The following ARHGEF10L variants were observed in gnomAD, a reference collection of about 807,000 sequenced individuals.
ARHGEF10L encodes Rho guanine nucleotide exchange factor 10 like.
ARHGEF10L carries 69 observed loss-of-function variants against 141.2 expected under a neutral mutation model. That is an observed-to-expected ratio of 0.49 (90% CI 0.40 to 0.60). ARHGEF10L has a LOEUF of 0.60. ARHGEF10L is among the 20% of genes least tolerant of loss of function. The pLI, the probability that ARHGEF10L is intolerant of heterozygous loss-of-function variation, is 0.00. For synonymous variants in ARHGEF10L, 711 were observed against 718.5 expected, an observed-to-expected ratio of 0.99 and a Z score of 0.17; for missense variants, 1,482 against 1,734.3, an observed-to-expected ratio of 0.85 and a Z score of 2.58.
chr1:17,542,635 A>G (rs1286795609), intron 1 of ARHGEF10L, among the ~76,000 whole-genome samples: 1 of 152,218 alleles, frequency 6.6e-6, no homozygotes, highest in Non-Finnish European at 1.5e-5. Flanking sequence ...GAAAAGATAA[A>G]GTAAATGATA....
In ARHGEF10L at chr1:17,621,843, C is replaced by T. The variant is rs772961177; in HGVS notation, c.943-21C>T. On this transcript the variant is annotated intron_variant, in intron 10 of 28. Coordinates refer to ENST00000361221, the MANE Select transcript of ARHGEF10L (RefSeq NM_018125.4). This position sits in a 1 kb window ranked among gnomAD's most constrained non-coding sequence, Gnocchi z 4.1. Reference sequence around the variant, plus strand: ...TGCAGCAGGTGTCATGTGCGCTGACCGTGCTTTTTGGCCCGAGCAGGTGGT... The same window carrying T: ...TGCAGCAGGTGTCATGTGCGCTGACTGTGCTTTTTGGCCCGAGCAGGTGGT... The T allele has an allele frequency of 7.5e-6, 12 of 1,602,902 alleles. No homozygotes were observed. The highest frequency in any genetic ancestry group is 2.7e-5 in the African/African-American group (2 of 72,928).
the ARHGEF10L span, among the ~76,000 whole-genome samples, chr1:17,513,813 T>C: frequency 6.6e-6 from 1 of 152,166 alleles, no homozygotes; most frequent in African/African-American, 2.4e-5. Flanking sequence ...CTCTTTCTTT[T>C]TTCTTTTTTT....
intron 25 of ARHGEF10L, among the ~76,000 whole-genome samples, chr1:17,657,561 G>A (rs981943407): frequency 2.0e-5 from 3 of 152,182 alleles, no homozygotes; most frequent in South Asian, 4.1e-4. Flanking sequence ...TGTGATTGCC[G>A]CGTCATCACA....
intron 4 of ARHGEF10L, among the ~76,000 whole-genome samples, chr1:17,600,573 G>A (rs2080551968): frequency 6.6e-6 from 1 of 152,150 alleles, no homozygotes; most frequent in Non-Finnish European, 1.5e-5. Flanking sequence ...GACCTACGTT[G>A]GCACATTACC....
intron 25 of ARHGEF10L, among the ~76,000 whole-genome samples, chr1:17,660,880 C>T (rs559680696): frequency 8.5e-5 from 13 of 152,148 alleles, no homozygotes; most frequent in South Asian, 2.1e-4. Context: ...GGGCGGGGCT[C>T]CCATCAGGCA....
chr1:17,606,227 C>G (rs1400117165), intron 6 of ARHGEF10L, among the ~76,000 whole-genome samples: 1 of 152,170 alleles, frequency 6.6e-6, no homozygotes, highest in African/African-American at 2.4e-5. Flanking sequence ...GCAGAGAGGT[C>G]TCTGATGACC....
At chr1:17,531,101 C>G in the ARHGEF10L span, among the ~76,000 whole-genome samples, 1 of 152,188 alleles carries the variant, frequency 6.6e-6, no homozygotes, top group Non-Finnish European at 1.5e-5. Flanking sequence ...ATGAAGACTG[C>G]AGAGCCTGGC....
chr1:17,640,277 G>T lies in ARHGEF10L; in HGVS notation c.2247G>T (p.Arg749Ser). Residue 749 changes from arginine (R) to serine (S), a missense_variant, in exon 21 of 29, where the codon AGG (arginine) becomes AGT (serine). Arg to Ser is a moderately radical substitution (Grantham distance 110, BLOSUM62 -1). Transcript: ENST00000361221. ...NPLSKISWVN[R>S]LHLAKIGLRE... is the part of the protein sequence containing the mutation. ...TGAGCAAGATTTCCTGGGTCAACAG[G>T]TTACATTTGGCCAAAATCGGACTCC... The T allele has an allele frequency of 1.2e-6, 2 of 1,613,072 alleles. No homozygotes were observed. Among genetic ancestry groups the T allele is most frequent in the Non-Finnish European group, 8.5e-7 (1 of 1,179,638 alleles).
At chr1:17,694,319 G>A (rs1219553439) in intron 27 of ARHGEF10L, 1 of 156,120 alleles carries the variant, frequency 6.4e-6, no homozygotes, top group Non-Finnish European at 1.4e-5. Context: ...GCCCAGAGGA[G>A]TTTAGGATGG....
chr1:17,552,571 G>GTTTTTTTTTTTT lies in ARHGEF10L; in HGVS notation c.-44+12642_-44+12653dup, dbSNP rs34766409. Among the ~76,000 whole-genome samples the GTTTTTTTTTTTT allele has an allele frequency of 8.9e-5, 4 of 44,932 alleles. 1 individual carries two copies. The highest frequency in any genetic ancestry group is 2.7e-3 in the East Asian group (2 of 740). 29.5% of individuals were successfully genotyped at this position (44,932 alleles called of 152,430 possible). ...ATGCTACCACAGCTGGCTAATTTTC[G>GTTTTTTTTTTTT]TTTTTTTTTTTTTTTTTTTTTTTTT... On this transcript the variant is annotated intron_variant, in intron 1 of 28. Coordinates refer to ENST00000361221, the MANE Select transcript of ARHGEF10L (RefSeq NM_018125.4).
At chr1:17,684,505 C>T (rs945884467) in intron 26 of ARHGEF10L, among the ~76,000 whole-genome samples, 2 of 152,136 alleles carry the variant, frequency 1.3e-5, no homozygotes, top group Non-Finnish European at 2.9e-5. Context: ...CCTGGGCCTT[C>T]TCTGAGGGCC....
In ARHGEF10L at chr1:17,676,459, G is replaced by A. The variant is rs143267224; in HGVS notation, c.3010-11114G>A. ...GCAGGTGTGGGTGCAGGTGTGGGGT[G>A]GTGGAGGGCCAGGTGAGTTGTCTGG... On this transcript the variant is annotated intron_variant, in intron 26 of 28. Transcript: ENST00000361221. Among the ~76,000 whole-genome samples the A allele has an allele frequency of 3.7e-4, 56 of 152,040 alleles. 1 individual carries two copies. In the East Asian group the frequency reaches 7.6e-3, roughly 21 times the overall value.
intron 25 of ARHGEF10L, among the ~76,000 whole-genome samples, chr1:17,657,973 A>C (rs35871295): frequency 6.6e-6 from 1 of 152,178 alleles, no homozygotes; most frequent in Non-Finnish European, 1.5e-5. Flanking sequence ...AATGGCAGAC[A>C]TGTAGCGTCG....
intron 22 of ARHGEF10L, among the ~76,000 whole-genome samples, chr1:17,653,270 A>T (rs769179674): frequency 3.9e-5 from 6 of 152,124 alleles, no homozygotes; most frequent in African/African-American, 7.2e-5. Context: ...GCTTCCCTTC[A>T]CAGCTTCGTG....
chr1:17,556,329 G>A (rs1036070164), intron 1 of ARHGEF10L, among the ~76,000 whole-genome samples: 5 of 150,720 alleles, frequency 3.3e-5, no homozygotes, highest in African/African-American at 7.3e-5. Flanking sequence ...GGGCCTGGGA[G>A]CATGGGGGTA....
chr1:17,669,971 G>A (rs146330533), intron 26 of ARHGEF10L, among the ~76,000 whole-genome samples: 1,900 of 152,382 alleles, frequency 0.012, 20 homozygotes, highest in Non-Finnish European at 0.019. Flanking sequence ...CCAGCTGGAC[G>A]CAGGACAGGA....
chr1:17,546,238 C>CA (rs1006090953), intron 1 of ARHGEF10L, among the ~76,000 whole-genome samples: 4 of 151,936 alleles, frequency 2.6e-5, no homozygotes, highest in South Asian at 2.1e-4. Context: ...GGTGGATTCT[C>CA]AAAAAAAATC....
In ARHGEF10L at chr1:17,696,908, C is replaced by G; in HGVS notation, c.3368C>G (p.Thr1123Ser). The G allele has an allele frequency of 6.2e-7, 1 of 1,607,204 alleles. No individual in the cohort carries two copies. The highest frequency in any genetic ancestry group is 8.5e-7 in the Non-Finnish European group (1 of 1,176,472). Reference protein sequence around the residue: ...CGPVAFLAVATSILAPDILRS... With the variant: ...CGPVAFLAVASSILAPDILRS... ...CCTGTGGCCTTCCTGGCTGTGGCTACCAGCATCCTGGCCCCTGACATCCTG... is the reference window on the plus strand; with the variant it reads ...CCTGTGGCCTTCCTGGCTGTGGCTAGCAGCATCCTGGCCCCTGACATCCTG... Residue 1123 changes from threonine to serine, a missense_variant, in exon 29 of 29, where the codon ACC (threonine) becomes AGC (serine). Coordinates refer to ENST00000361221, the MANE Select transcript of ARHGEF10L (RefSeq NM_018125.4).
chr1:17,557,849 C>T (rs1024589453), intron 1 of ARHGEF10L, among the ~76,000 whole-genome samples: 10 of 152,084 alleles, frequency 6.6e-5, no homozygotes, highest in Admixed American at 3.3e-4. Flanking sequence ...TGGGGAAACA[C>T]GTAGCAAGGA....
Sources: gnomAD v4.1 joint callset for allele counts (sites outside exome capture counted in the v4.1 genomes callset) on GRCh38, gnomAD v4.1.1 for gene constraint, Gnocchi (gnomAD v3.1) non-coding constraint, MANE v1.5 for transcripts, NCBI Gene and HGNC (gene_info 2026-07-23, HGNC 2026-07-21) for gene names.